The following TMEM45B variants were observed in gnomAD, a reference collection of about 807,000 sequenced individuals.
TMEM45B encodes the protein transmembrane protein 45B.
TMEM45B carries 29 observed loss-of-function variants against 27.3 expected under a neutral mutation model. The ratio of observed to expected loss-of-function variants is 1.06; its 90% CI spans 0.79 to 1.45. TMEM45B has a LOEUF of 1.45. Among genes scored for constraint, TMEM45B ranks in the 40% most tolerant of loss-of-function variants. TMEM45B has a pLI of 0.00. For synonymous variants in TMEM45B, 143 were observed against 134.7 expected, an observed-to-expected ratio of 1.06 and a Z score of -0.43; for missense variants, 348 against 343.9, an observed-to-expected ratio of 1.01 and a Z score of -0.09.
intron 5 of TMEM45B, among the ~76,000 whole-genome samples, chr11:129,858,305 GTTTC>G (rs1430254257): frequency 1.3e-5 from 2 of 152,192 alleles, no homozygotes; most frequent in Non-Finnish European, 2.9e-5. Flanking sequence ...GCTCAAGTCA[GTTTC>G]TTTTAGTTCT....
rs985110028 is a variant in TMEM45B at position 129,859,335 on chromosome 11, C to T, written c.*650C>T. On this transcript the variant is annotated 3_prime_UTR_variant, in exon 6 of 6. Coordinates refer to ENST00000281441, the MANE Select transcript of TMEM45B (RefSeq NM_138788.5). ...ATCAGGAAGCTGGTTACTGGCTCTA[C>T]TGAGAGTTGGAGCCCTGATGTTCTG... 8 of 152,022 alleles carry T rather than the reference C, an allele frequency of 5.3e-5. No homozygotes were observed. The highest frequency in any genetic ancestry group is 1.0e-4 in the Non-Finnish European group (7 of 68,008). The allele number at this position is 152,022 out of a possible 1,614,324, so 9.4% of individuals were successfully genotyped here. A position where few individuals can be genotyped will look rare whatever the true frequency, so the allele number is the denominator to read the frequency against.
In TMEM45B at chr11:129,857,358, CAGA is replaced by C; in HGVS notation, c.619_621del (p.Lys207del). 2 of 1,614,186 alleles carry C rather than the reference CAGA, an allele frequency of 1.2e-6. No homozygotes were observed. The highest frequency in any genetic ancestry group is 1.7e-6 in the Non-Finnish European group (2 of 1,180,024). On this transcript the variant is annotated inframe_deletion, in exon 5 of 6. Coordinates refer to ENST00000281441, the MANE Select transcript of TMEM45B (RefSeq NM_138788.5). Reference sequence around the variant, plus strand: ...ACCTTTTGGAACACCCGAATGGGACCAGAAGGATGATGCCAACCTCATGTTCAT... The same window carrying C: ...ACCTTTTGGAACACCCGAATGGGACCAGGATGATGCCAACCTCATGTTCAT...
At chr11:129,831,443 G>A (rs1029086223) in intron 1 of TMEM45B, among the ~76,000 whole-genome samples, 9 of 152,164 alleles carry the variant, frequency 5.9e-5, no homozygotes, top group Admixed American at 3.9e-4. Flanking sequence ...TGGAGAAAGC[G>A]ATGATTCATA....
chr11:129,851,309 C>T (rs955468308), intron 1 of TMEM45B, among the ~76,000 whole-genome samples: 3 of 151,830 alleles, frequency 2.0e-5, no homozygotes, highest in Admixed American at 6.6e-5. Flanking sequence ...TTTGGGAGGC[C>T]GAGGTGGGCA....
intron 1 of TMEM45B, among the ~76,000 whole-genome samples, chr11:129,826,473 C>T (rs1294943885): frequency 7.0e-6 from 1 of 142,624 alleles, no homozygotes; most frequent in South Asian, 2.3e-4. Context: ...GGTGTGAACC[C>T]GGGAGGCAGA....
intron 1 of TMEM45B, among the ~76,000 whole-genome samples, chr11:129,838,144 A>G (rs1947647415): frequency 6.6e-6 from 1 of 152,154 alleles, no homozygotes; most frequent in Non-Finnish European, 1.5e-5. Context: ...GATTTAAATA[A>G]CAGAAAGAGG....
Position 129,858,734 on chromosome 11 carries a change from G to A in TMEM45B, c.*49G>A. ...GTCCCACTGCACAGCTGGAATGAATGGAGTTCATCCCCTCCACCTGAATGC... is the reference window on the plus strand; with the variant it reads ...GTCCCACTGCACAGCTGGAATGAATAGAGTTCATCCCCTCCACCTGAATGC... On this transcript the variant is annotated 3_prime_UTR_variant, in exon 6 of 6. Transcript: ENST00000281441. 1 of 1,361,770 alleles carries A rather than the reference G, an allele frequency of 7.3e-7. No homozygotes were observed. The allele number at this position is 1,361,770 out of a possible 1,614,324, so 84.4% of individuals were successfully genotyped here.
intron 4 of TMEM45B, 21 bp downstream of exon 4, chr11:129,855,913 C>A (rs538053574): frequency 5.6e-6 from 9 of 1,613,292 alleles, no homozygotes; most frequent in Middle Eastern, 1.7e-4. Flanking sequence ...ACACCCAGGC[C>A]CCTCGCTGGT....
chr11:129,842,547 A>G (rs1947708766), intron 1 of TMEM45B, among the ~76,000 whole-genome samples: 1 of 152,236 alleles, frequency 6.6e-6, no homozygotes, highest in Non-Finnish European at 1.5e-5. Context: ...AGGAAAGAAT[A>G]GTATCTTCAA....
intron 1 of TMEM45B, among the ~76,000 whole-genome samples, chr11:129,851,560 T>TAAAAAAAAAAAAAAAAAAAAAAAAAAA (rs1555073025): frequency 4.5e-5 from 4 of 88,888 alleles, no homozygotes; most frequent in Non-Finnish European, 6.6e-5. Flanking sequence ...AAAAAAAAAG[T>TAAAAAAAAAAAAAAAAAAAAAAAAAAA]CCCCTTCTCT....
At chr11:129,818,626 C>T (rs1947380173) in intron 1 of TMEM45B, among the ~76,000 whole-genome samples, 1 of 151,940 alleles carries the variant, frequency 6.6e-6, no homozygotes, top group East Asian at 1.9e-4. Context: ...TTTTGTTGTT[C>T]TTGTTGAATT....
chr11:129,825,118 C>T, intron 1 of TMEM45B, among the ~76,000 whole-genome samples: 1 of 152,082 alleles, frequency 6.6e-6, no homozygotes, highest in Admixed American at 6.5e-5. Context: ...TGACTGGCTG[C>T]GGGGTGGAAG....
chr11:129,830,588 T>C (rs1279077130), intron 1 of TMEM45B, among the ~76,000 whole-genome samples: 1 of 152,150 alleles, frequency 6.6e-6, no homozygotes, highest in African/African-American at 2.4e-5. Context: ...ATATATCTGA[T>C]AAGAAACCTA....
At chr11:129,848,135 A>C (rs1485648129) in intron 1 of TMEM45B, among the ~76,000 whole-genome samples, 75 of 152,136 alleles carry the variant, frequency 4.9e-4, no homozygotes, top group African/African-American at 1.8e-3. Context: ...CAGAGGCTGC[A>C]ATCTCGGCAC....
At position 129,825,082 on chromosome 11, in the gene TMEM45B, G is replaced by A. The variant is rs1034237580; in HGVS notation, c.-9+9184G>A. On this transcript the variant is annotated intron_variant, in intron 1 of 5. Coordinates refer to ENST00000281441, the MANE Select transcript of TMEM45B (RefSeq NM_138788.5). ...GGAACATTTTCCATCCTCCAGTAGT[G>A]TAGTCAGATGTACACGGAAGGTGGA... 5.9e-5 allele frequency among the ~76,000 whole-genome samples: 9 copies of A among 152,190 alleles called. 1 individual carries two copies. Among genetic ancestry groups the A allele is most frequent in the South Asian group, 4.1e-4 (2 of 4,828 alleles).
At chr11:129,825,975 T>C (rs1482745922) in intron 1 of TMEM45B, among the ~76,000 whole-genome samples, 1 of 65,476 alleles carries the variant, frequency 1.5e-5, no homozygotes, top group Non-Finnish European at 3.3e-5. Context: ...GAAATATATG[T>C]AAGGTTTTTT....
intron 1 of TMEM45B, among the ~76,000 whole-genome samples, chr11:129,850,148 C>CTT (rs1947825772): frequency 2.5e-5 from 3 of 121,072 alleles, no homozygotes; most frequent in African/African-American, 9.9e-5. Context: ...TCTTTTCTCA[C>CTT]GTTTTTTTTT....
intron 1 of TMEM45B, 117 bp from the exon 2 acceptor site, chr11:129,852,358 T>A: frequency 2.3e-6 from 2 of 883,434 alleles, no homozygotes; most frequent in South Asian, 1.8e-5. Flanking sequence ...AATGTGTTGA[T>A]CCTTCTTAAC....
intron 1 of TMEM45B, among the ~76,000 whole-genome samples, chr11:129,819,332 T>C (rs1947389961): frequency 1.3e-5 from 2 of 152,170 alleles, no homozygotes; most frequent in Admixed American, 6.5e-5. Context: ...TTTGTTTTTC[T>C]CAGAGAACGA....
Sources: allele counts gnomAD v4.1 joint callset (sites outside exome capture counted in the v4.1 genomes callset), GRCh38; gene constraint gnomAD v4.1.1; transcripts MANE v1.5; gene names NCBI Gene and HGNC (gene_info 2026-07-23, HGNC 2026-07-21).